STXBP5: variants seen among roughly 807,000 people sequenced by gnomAD.
STXBP5 encodes the protein syntaxin binding protein 5.
Under a neutral mutation model 152.4 loss-of-function variants are expected in STXBP5, and 50 were observed. The ratio of observed to expected loss-of-function variants is 0.33; its 90% confidence interval spans 0.26 to 0.42. The LOEUF (loss-of-function observed/expected upper bound fraction) is 0.42, where lower values mean the gene tolerates loss of function less well. STXBP5 is among the 10% of genes least tolerant of loss of function. STXBP5 has a pLI of 1.00. For missense variants in STXBP5, 1,167 were observed against 1,388.6 expected (o/e 0.84, Z 2.54); for synonymous variants, 492 against 494.7 (o/e 0.99, Z 0.07).
chr6:147,353,388 T>A lies in STXBP5; in HGVS notation c.2305+15T>A. 6.5e-7 allele frequency: 1 copy of A among 1,532,234 alleles called. No homozygotes were observed. Among genetic ancestry groups the A allele is most frequent in the Non-Finnish European group, 8.8e-7 (1 of 1,130,024 alleles). 94.9% of individuals were successfully genotyped at this position (1,532,234 alleles called of 1,614,324 possible). A position where few individuals can be genotyped will look rare whatever the true frequency, so the allele number is the denominator to read the frequency against. ...GCCTGATTTAGGTAAGTAAAATAAA[T>A]ATTCAAAATAATTTAACTCCCTATA... On this transcript the variant is annotated intron_variant, in intron 22 of 27. Transcript: ENST00000321680.
At chr6:147,245,702 AT>A in intron 4 of STXBP5, among the ~76,000 whole-genome samples, 1 of 152,210 alleles carries the variant, frequency 6.6e-6, no homozygotes, top group East Asian at 1.9e-4. Context: ...TTAATATGAG[AT>A]TATTAAGGTG....
chr6:147,284,428 T>G (rs974750392), intron 8 of STXBP5, among the ~76,000 whole-genome samples: 1 of 152,200 alleles, frequency 6.6e-6, no homozygotes, highest in Non-Finnish European at 1.5e-5. Flanking sequence ...GATTAAATAC[T>G]GAAAATATAC....
Position 147,384,872 on chromosome 6 carries a change from C to A in STXBP5, c.*117C>A. On this transcript the variant is annotated 3_prime_UTR_variant, in exon 28 of 28. Transcript: ENST00000321680. ...GTTCGTCACTGAATACTGTTCTTTC[C>A]TAGCACAGTCATGCACTGTTTTACC... The A allele has an allele frequency of 9.5e-7, 1 of 1,049,530 alleles. No homozygotes were observed. The highest frequency in any genetic ancestry group is 1.4e-6 in the Non-Finnish European group (1 of 692,412). The allele number at this position is 1,049,530 out of a possible 1,614,324, so 65.0% of individuals were successfully genotyped here. A position where few individuals can be genotyped will look rare whatever the true frequency, so the allele number is the denominator to read the frequency against.
Position 147,236,211 on chromosome 6 carries a change from A to G in STXBP5, c.330+880A>G, listed in dbSNP as rs185256368. ...AAAACCTCCATAAAACTATAATCCA[A>G]ATAATTTGCAGTTGTCTAGATTTTT... On this transcript the variant is annotated intron_variant, in intron 3 of 27. Coordinates refer to ENST00000321680, the MANE Select transcript of STXBP5 (RefSeq NM_001127715.4). 3.9e-3 allele frequency among the ~76,000 whole-genome samples: 600 copies of G among 152,298 alleles called. 5 individuals carry two copies. The highest frequency in any genetic ancestry group is 0.014 in the African/African-American group (562 of 41,580).
chr6:147,259,635 A>G lies in STXBP5; in HGVS notation c.432-980A>G, dbSNP rs536770218. Among the ~76,000 whole-genome samples, 6 of 152,300 alleles carry G rather than the reference A, an allele frequency of 3.9e-5. No individual in the cohort carries two copies. The South Asian group carries it at 1.0e-3, about 26-fold the overall frequency. On this transcript the variant is annotated intron_variant, in intron 4 of 27. Coordinates refer to ENST00000321680, the MANE Select transcript of STXBP5 (RefSeq NM_001127715.4). ...ATTCTGTATGCTTTGCCGAGTGCCT[A>G]ATGTTAGTATTGACAGGCTGGCAGT... is the stretch of plus-strand genomic sequence containing the variant.
At chr6:147,260,227 G>A (rs1447786148) in intron 4 of STXBP5, among the ~76,000 whole-genome samples, 1 of 152,194 alleles carries the variant, frequency 6.6e-6, no homozygotes, top group Admixed American at 6.5e-5. Flanking sequence ...CAGGTACTGA[G>A]ATGGATTAAT....
intron 18 of STXBP5, among the ~76,000 whole-genome samples, chr6:147,333,604 G>T (rs1451274203): frequency 6.6e-6 from 1 of 152,130 alleles, no homozygotes; most frequent in Non-Finnish European, 1.5e-5. Context: ...GCCTCAAAAT[G>T]GGAAACTTTT....
chr6:147,218,851 G>C (rs1478461957), intron 2 of STXBP5, among the ~76,000 whole-genome samples: 5 of 152,146 alleles, frequency 3.3e-5, no homozygotes. Flanking sequence ...GAGTTTTTCT[G>C]TTCATTCTTT....
At chr6:147,207,385 C>T (rs946165212) in intron 2 of STXBP5, among the ~76,000 whole-genome samples, 3 of 152,156 alleles carry the variant, frequency 2.0e-5, no homozygotes, top group Non-Finnish European at 2.9e-5. Flanking sequence ...CCTTTATAAA[C>T]GACAAAATCT....
At chr6:147,337,501 C>T (rs1783890737) in intron 19 of STXBP5, among the ~76,000 whole-genome samples, 1 of 151,598 alleles carries the variant, frequency 6.6e-6, no homozygotes, top group Non-Finnish European at 1.5e-5. Context: ...AAAAATAAAC[C>T]TCCTTGTTTT....
chr6:147,307,327 A>G (rs1782143605), intron 9 of STXBP5, among the ~76,000 whole-genome samples: 1 of 152,204 alleles, frequency 6.6e-6, no homozygotes, highest in East Asian at 1.9e-4. Context: ...TAATCAAGTA[A>G]AAACTATTAT....
chr6:147,239,170 G>A lies in STXBP5; in HGVS notation c.331G>A (p.Gly111Arg). Residue 111 changes from glycine (G) to arginine (R), a missense_variant and splice_region_variant, in exon 4 of 28, where the codon GGA becomes AGA. Transcript: ENST00000321680. ...VIQLQFLINE[G>R]ALVSALADDT... ...AAATGTGTTATACTTGATTTTTAAG[G>A]GAGCGCTTGTGAGTGCCTTGGCTGA... 1.2e-6 allele frequency: 2 copies of A among 1,611,806 alleles called. No homozygotes were observed. Among genetic ancestry groups the A allele is most frequent in the Admixed American group, 1.7e-5 (1 of 59,804 alleles).
intron 5 of STXBP5, among the ~76,000 whole-genome samples, chr6:147,261,415 A>C (rs1779632828): frequency 1.3e-5 from 2 of 152,060 alleles, no homozygotes; most frequent in African/African-American, 4.8e-5. Flanking sequence ...CATTTCTGGG[A>C]CATAAAAATC....
At chr6:147,345,771 A>G (rs182898974) in intron 21 of STXBP5, among the ~76,000 whole-genome samples, 289 of 152,346 alleles carry the variant, frequency 1.9e-3, no homozygotes, top group Middle Eastern at 3.4e-3. Flanking sequence ...CTAAAGGGAA[A>G]TTACAAAACA....
At position 147,264,469 on chromosome 6, in the gene STXBP5, A is replaced by T. The variant is rs550664567; in HGVS notation, c.630+2116A>T. 9.2e-5 allele frequency among the ~76,000 whole-genome samples: 14 copies of T among 152,264 alleles called. No homozygotes were observed. In the South Asian group the frequency reaches 2.7e-3, roughly 29 times the overall value. The stretch of plus-strand genomic sequence containing the variant: ...GAGACTTGGTGACATTATGTGTTCC[A>T]TAGATACAGAGCTAGACTTTGGCGG... On this transcript the variant is annotated intron_variant, in intron 6 of 27. Transcript: ENST00000321680.
chr6:147,358,005 A>G (rs1784889467), intron 22 of STXBP5, among the ~76,000 whole-genome samples: 1 of 152,156 alleles, frequency 6.6e-6, no homozygotes, highest in Non-Finnish European at 1.5e-5. Context: ...GAGACATTTT[A>G]TTAGTATAAT....
At chr6:147,382,689 T>C (rs570589565) in intron 26 of STXBP5, 89 bp from the exon 27 acceptor site, 1 of 1,361,610 alleles carries the variant, frequency 7.3e-7, no homozygotes, top group African/African-American at 1.5e-5. Context: ...TACCACTCAA[T>C]CCAAAAATTG....
Position 147,384,852 on chromosome 6 carries a change from T to G in STXBP5, c.*97T>G, listed in dbSNP as rs1288227734. 128 of 1,221,684 alleles carry G rather than the reference T, an allele frequency of 1.0e-4. 1 individual carries two copies. The highest frequency in any genetic ancestry group is 4.5e-5 in the Non-Finnish European group (38 of 837,406). 75.7% of individuals were successfully genotyped at this position (1,221,684 alleles called of 1,614,324 possible). A position where few individuals can be genotyped will look rare whatever the true frequency, so the allele number is the denominator to read the frequency against. ...AAAGTTAACGTTAAAGGGATGTTCGTCACTGAATACTGTTCTTTCCTAGCA... is the reference window on the plus strand; with the variant it reads ...AAAGTTAACGTTAAAGGGATGTTCGGCACTGAATACTGTTCTTTCCTAGCA... On this transcript the variant is annotated 3_prime_UTR_variant, in exon 28 of 28. Coordinates refer to ENST00000321680, the MANE Select transcript of STXBP5 (RefSeq NM_001127715.4).
chr6:147,297,212 G>A (rs567589778), intron 9 of STXBP5, among the ~76,000 whole-genome samples: 68 of 152,240 alleles, frequency 4.5e-4, no homozygotes, highest in African/African-American at 1.6e-3. Context: ...CAGAAAAAGT[G>A]CCTTGTCACA....
Sources: allele counts gnomAD v4.1 joint callset (sites outside exome capture counted in the v4.1 genomes callset), GRCh38; gene constraint gnomAD v4.1.1; transcripts MANE v1.5; gene names NCBI Gene and HGNC (gene_info 2026-07-23, HGNC 2026-07-21).